CALN1: variants seen among roughly 807,000 people sequenced by gnomAD.
CALN1 encodes the protein calneuron 1.
In CALN1, 17 loss-of-function variants were observed where a neutral mutation model predicts 30.6. The observed-to-expected ratio is 0.56, with a 90% CI of 0.38 to 0.83. CALN1 has a LOEUF of 0.83. CALN1 is among the 40% of genes least tolerant of loss of function. The pLI, the probability that CALN1 is intolerant of heterozygous loss-of-function variation, is 0.00. For missense variants in CALN1, 291 were observed against 354.9 expected, an observed-to-expected ratio of 0.82 and a Z score of 1.45; for synonymous variants, 156 against 131.4, an observed-to-expected ratio of 1.19 and a Z score of -1.28.
chr7:71,801,535 G>A (rs1226816850), intron 6 of CALN1, among the ~76,000 whole-genome samples: 1 of 151,672 alleles, frequency 6.6e-6, no homozygotes, highest in Admixed American at 6.6e-5. Context: ...TATTTGACTT[G>A]GGAAAAATGA....
intron 2 of CALN1, among the ~76,000 whole-genome samples, chr7:72,374,481 A>C (rs1266760850): frequency 6.6e-6 from 1 of 150,450 alleles, no homozygotes; most frequent in Non-Finnish European, 1.5e-5. Context: ...CAGTGAGCCA[A>C]GATTGTGCCA....
chr7:72,126,923 C>T (rs186206930), intron 3 of CALN1, among the ~76,000 whole-genome samples: 10 of 152,136 alleles, frequency 6.6e-5, no homozygotes, highest in Middle Eastern at 3.4e-3. Flanking sequence ...ATTAAATCAC[C>T]ACTAAAGAAT....
the CALN1 span, among the ~76,000 whole-genome samples, chr7:72,455,370 G>GT: frequency 7.7e-6 from 1 of 130,190 alleles, no homozygotes; most frequent in South Asian, 2.6e-4. Context: ...TGTGTACATA[G>GT]GTGTGTATAT....
chr7:72,124,827 A>G (rs1808630314), intron 3 of CALN1, among the ~76,000 whole-genome samples: 1 of 152,146 alleles, frequency 6.6e-6, no homozygotes, highest in Admixed American at 6.5e-5. Flanking sequence ...AGTCTTTGAT[A>G]TGTGAAAAGT....
At chr7:71,850,207 T>A (rs1224893380) in intron 5 of CALN1, among the ~76,000 whole-genome samples, 1 of 152,064 alleles carries the variant, frequency 6.6e-6, no homozygotes, top group African/African-American at 2.4e-5. Flanking sequence ...TATACTGACA[T>A]ACTGTTTTTG....
chr7:72,092,496 C>T (rs1234892919), intron 4 of CALN1, among the ~76,000 whole-genome samples: 1 of 151,972 alleles, frequency 6.6e-6, no homozygotes, highest in Non-Finnish European at 1.5e-5. Flanking sequence ...TGTTACTTTG[C>T]TTTATCCACT....
intron 5 of CALN1, among the ~76,000 whole-genome samples, chr7:71,812,923 C>CATT (rs374759683): frequency 0.041 from 3,358 of 81,762 alleles, 122 homozygotes; most frequent in African/African-American, 0.1. Flanking sequence ...TATTTATCAT[C>CATT]ATCATCATTA....
chr7:72,403,098 C>G, intron 2 of CALN1, 153 bp downstream of exon 2: 1 of 577,726 alleles, frequency 1.7e-6, no homozygotes, highest in South Asian at 2.5e-5. Flanking sequence ...TCTCTGTACC[C>G]AGCCAGGACA....
intron 3 of CALN1, among the ~76,000 whole-genome samples, chr7:72,269,323 A>C (rs1034422929): frequency 1.3e-5 from 2 of 151,956 alleles, no homozygotes; most frequent in African/African-American, 4.8e-5. Flanking sequence ...TCGTCATTTA[A>C]CATTAGGTAT....
intron 5 of CALN1, among the ~76,000 whole-genome samples, chr7:71,911,775 C>T (rs1355369619): frequency 6.6e-6 from 1 of 152,152 alleles, no homozygotes; most frequent in Non-Finnish European, 1.5e-5. Flanking sequence ...CCTCTCTGTA[C>T]ACATTATTCT....
intron 4 of CALN1, among the ~76,000 whole-genome samples, chr7:72,054,402 CATATATATATATAT>C (rs58996469): frequency 3.0e-5 from 3 of 100,186 alleles, no homozygotes; most frequent in African/African-American, 6.8e-5. Flanking sequence ...CATATATGTA[CATATATATATATAT>C]ACGTGTATAT....
At chr7:72,179,656 G>C (rs898530750) in intron 3 of CALN1, among the ~76,000 whole-genome samples, 6 of 152,092 alleles carry the variant, frequency 3.9e-5, no homozygotes, top group African/African-American at 1.4e-4. Context: ...CAAAATGACA[G>C]ATAACTAAAT....
Position 72,332,440 on chromosome 7 carries a change from G to T in CALN1, c.120-53630C>A, listed in dbSNP as rs566825235. On this transcript the variant is annotated intron_variant, in intron 2 of 6. Transcript: ENST00000395275. ...TGGCACATGTGTGGGTGTGTCTTAT[G>T]GAGAGCTGCTTCCACCCCAGCCCTG... is the stretch of plus-strand genomic sequence containing the variant. Among the ~76,000 whole-genome samples, 4 of 152,116 alleles carry T rather than the reference G, an allele frequency of 2.6e-5. No individual in the cohort carries two copies. The South Asian group carries it at 8.3e-4, about 32-fold the overall frequency.
chr7:71,988,743 C>A (rs1798805454), intron 5 of CALN1, among the ~76,000 whole-genome samples: 1 of 152,096 alleles, frequency 6.6e-6, no homozygotes, highest in South Asian at 2.1e-4. Flanking sequence ...AGCTGGTTCA[C>A]AAGAAATCTG....
intron 2 of CALN1, among the ~76,000 whole-genome samples, chr7:72,308,368 G>A (rs1192852098): frequency 2.1e-5 from 2 of 95,296 alleles, no homozygotes; most frequent in Non-Finnish European, 4.2e-5. Context: ...TGTCTGTGGG[G>A]GGGGGAGAGA....
chr7:71,939,445 C>T (rs1584558802), intron 5 of CALN1, among the ~76,000 whole-genome samples: 1 of 150,164 alleles, frequency 6.7e-6, no homozygotes, highest in East Asian at 2.0e-4. Context: ...TGGTGGCGGG[C>T]ACCTGTAATC....
At chr7:71,939,117 G>A (rs1157493036) in intron 5 of CALN1, among the ~76,000 whole-genome samples, 1 of 152,106 alleles carries the variant, frequency 6.6e-6, no homozygotes, top group Non-Finnish European at 1.5e-5. Flanking sequence ...TGCATTTTAA[G>A]CTTCTTGCAA....
intron 6 of CALN1, among the ~76,000 whole-genome samples, chr7:71,798,172 A>AGG (rs1787075746): frequency 7.3e-6 from 1 of 136,812 alleles, no homozygotes; most frequent in Non-Finnish European, 1.6e-5. Context: ...AGAGAGAGAG[A>AGG]GAGATGTTGC....
intron 5 of CALN1, among the ~76,000 whole-genome samples, chr7:71,851,038 C>T (rs553577198): frequency 6.6e-6 from 1 of 152,120 alleles, no homozygotes; most frequent in South Asian, 2.1e-4. Context: ...CATAGCCAGA[C>T]CTCCTTTCTA....
Sources: allele counts gnomAD v4.1 joint callset (sites outside exome capture counted in the v4.1 genomes callset), GRCh38; gene constraint gnomAD v4.1.1; transcripts MANE v1.5; gene names NCBI Gene and HGNC (gene_info 2026-07-23, HGNC 2026-07-21).